NRG3: variants seen among roughly 807,000 people sequenced by gnomAD.
The protein encoded by NRG3 is pro-neuregulin-3, membrane-bound isoform.
NRG3 carries 31 observed loss-of-function variants against 66.9 expected under a neutral mutation model. The observed-to-expected ratio is 0.46, with a 90% CI of 0.35 to 0.63. The LOEUF (loss-of-function observed/expected upper bound fraction) is 0.63. NRG3 is among the 20% of genes least tolerant of loss of function. The pLI, the probability that NRG3 is intolerant of heterozygous loss-of-function variation, is 0.00. For missense variants in NRG3, 910 were observed against 878.9 expected, an observed-to-expected ratio of 1.04 and a Z score of -0.45; for synonymous variants, 393 against 359.4, an observed-to-expected ratio of 1.09 and a Z score of -1.06.
intron 3 of NRG3, among the ~76,000 whole-genome samples, chr10:82,815,342 G>C (rs2061661283): frequency 6.6e-6 from 1 of 152,096 alleles, no homozygotes; most frequent in Non-Finnish European, 1.5e-5. Flanking sequence ...CCATTTCATT[G>C]ATTTCCCCAC....
intron 2 of NRG3, among the ~76,000 whole-genome samples, chr10:82,544,098 A>G (rs1397052838): frequency 1.3e-5 from 2 of 152,176 alleles, no homozygotes; most frequent in Non-Finnish European, 2.9e-5. Flanking sequence ...AATGGGCACA[A>G]CTTCCTGGCC....
At chr10:81,899,671 C>T (rs1466281000) in intron 1 of NRG3, among the ~76,000 whole-genome samples, 1 of 152,176 alleles carries the variant, frequency 6.6e-6, no homozygotes, top group Non-Finnish European at 1.5e-5. Flanking sequence ...ACTGAAGCTG[C>T]CCTGGGACCA....
At chr10:82,470,079 C>G (rs898150620) in intron 2 of NRG3, among the ~76,000 whole-genome samples, 2 of 152,186 alleles carry the variant, frequency 1.3e-5, no homozygotes, top group Non-Finnish European at 2.9e-5. Context: ...GGAGCCCTCC[C>G]TCTGGCCTCT....
rs752652889 is a variant in NRG3, at chr10:82,985,244, T to C, written c.1730T>C (p.Ile577Thr). Reference sequence around the variant, plus strand: ...ACAAGGGCCAGTTCTGTGCCCATCATCCCTTCAGTGGGTTTAGAGGAAACC... The same window carrying C: ...ACAAGGGCCAGTTCTGTGCCCATCACCCCTTCAGTGGGTTTAGAGGAAACC... ...SSTRASSVPI[I>T]PSVGLEETCL... The change falls in exon 9 of 9, where the codon ATC (isoleucine) becomes ACC (threonine). Residue 577 changes from isoleucine (I) to threonine (T), a missense_variant. Transcript: ENST00000372141. 8 of 1,614,154 alleles carry C rather than the reference T, an allele frequency of 5.0e-6. No homozygotes were observed. Among genetic ancestry groups the C allele is most frequent in the Non-Finnish European group, 5.9e-6 (7 of 1,180,008 alleles).
chr10:81,974,608 T>G (rs544030766), intron 1 of NRG3, among the ~76,000 whole-genome samples: 14 of 152,170 alleles, frequency 9.2e-5, no homozygotes, highest in Admixed American at 9.2e-4. Flanking sequence ...ATGAAGCAAT[T>G]GATGATCTGC....
chr10:82,114,411 G>T (rs751392644), intron 1 of NRG3, among the ~76,000 whole-genome samples: 1 of 152,126 alleles, frequency 6.6e-6, no homozygotes, highest in Non-Finnish European at 1.5e-5. Flanking sequence ...GAACCTGAAC[G>T]TGCTAAAAAA....
chr10:82,886,589 T>C (rs1564602985), intron 4 of NRG3, among the ~76,000 whole-genome samples: 1 of 152,160 alleles, frequency 6.6e-6, no homozygotes, highest in Non-Finnish European at 1.5e-5. Flanking sequence ...GTGCTATCGA[T>C]TTGTTTAGAA....
rs138455409 is a variant in NRG3 at position 82,316,482 on chromosome 10, G to C, written c.824-42257G>C. Among the ~76,000 whole-genome samples the C allele has an allele frequency of 1.2e-3, 182 of 152,228 alleles. 1 individual carries two copies. Among genetic ancestry groups the C allele is most frequent in the African/African-American group, 4.2e-3 (176 of 41,530 alleles). On this transcript the variant is annotated intron_variant, in intron 1 of 8. Transcript: ENST00000372141. ...CTGGATTTCAAATTCAGTAGCTGCT[G>C]CTTTTATTTGAACAAATATTTTTGC...
intron 1 of NRG3, among the ~76,000 whole-genome samples, chr10:82,071,849 G>A (rs1164162689): frequency 7.9e-5 from 12 of 152,136 alleles, no homozygotes; most frequent in Non-Finnish European, 1.8e-4. Flanking sequence ...TAGTAAGGGT[G>A]GAGATAGTAG....
At chr10:82,647,467 G>A (rs545930538) in intron 2 of NRG3, among the ~76,000 whole-genome samples, 38 of 152,218 alleles carry the variant, frequency 2.5e-4, no homozygotes, top group Non-Finnish European at 4.3e-4. Flanking sequence ...ATAAACATAC[G>A]TGTGCATGTG....
rs374815315 is a variant in NRG3 at position 82,235,777 on chromosome 10, C to A, written c.824-122962C>A. Among the ~76,000 whole-genome samples, 3 of 152,158 alleles carry A rather than the reference C, an allele frequency of 2.0e-5. No homozygotes were observed. The South Asian group carries it at 6.2e-4, about 32-fold the overall frequency. ...AGATTGCTAGGCTCTGAGCTGCATA[C>A]TAGTTGGGATTCTGCCTCTTTTGCT... On this transcript the variant is annotated intron_variant, in intron 1 of 8. Coordinates refer to ENST00000372141, the MANE Select transcript of NRG3 (RefSeq NM_001010848.4).
intron 1 of NRG3, among the ~76,000 whole-genome samples, chr10:82,336,524 C>T (rs1223283156): frequency 7.0e-6 from 1 of 141,956 alleles, no homozygotes; most frequent in Non-Finnish European, 1.5e-5. Flanking sequence ...TCTTTCTTTT[C>T]TTTTCTTTTT....
chr10:82,820,004 A>G (rs543313097), intron 3 of NRG3, among the ~76,000 whole-genome samples: 1 of 152,242 alleles, frequency 6.6e-6, no homozygotes, highest in Non-Finnish European at 1.5e-5. Flanking sequence ...GGAGAAACTC[A>G]GTGAACACAG....
intron 2 of NRG3, among the ~76,000 whole-genome samples, chr10:82,425,062 G>A (rs1414179082): frequency 6.6e-6 from 1 of 152,054 alleles, no homozygotes; most frequent in Non-Finnish European, 1.5e-5. Flanking sequence ...TTTGTAACAA[G>A]TATTGAAATT....
chr10:82,892,399 C>T lies in NRG3; in HGVS notation c.1054+26962C>T, dbSNP rs376115882. Among the ~76,000 whole-genome samples, 234 of 152,244 alleles carry T rather than the reference C, an allele frequency of 1.5e-3. 1 individual carries two copies. The Middle Eastern group carries it at 0.024, about 15-fold the overall frequency. On this transcript the variant is annotated intron_variant, in intron 4 of 8. Coordinates refer to ENST00000372141, the MANE Select transcript of NRG3 (RefSeq NM_001010848.4). ...TAGAAATAGGCCAAGCATGGTGGCT[C>T]ACGCCTGTAATCCCAACACTTTGGG...
intron 2 of NRG3, among the ~76,000 whole-genome samples, chr10:82,481,468 T>C (rs1457542187): frequency 6.6e-6 from 1 of 152,212 alleles, no homozygotes; most frequent in East Asian, 1.9e-4. Context: ...GTGACTCCCA[T>C]ATTAACATGT....
At chr10:82,435,622 G>T (rs187736786) in intron 2 of NRG3, among the ~76,000 whole-genome samples, 6 of 152,098 alleles carry the variant, frequency 3.9e-5, no homozygotes, top group Non-Finnish European at 5.9e-5. Flanking sequence ...CTTTAACTGT[G>T]TCCCAGAGAT....
At chr10:82,975,945 TA>T (rs1171674842) in intron 7 of NRG3, among the ~76,000 whole-genome samples, 2 of 152,260 alleles carry the variant, frequency 1.3e-5, no homozygotes, top group African/African-American at 4.8e-5. Flanking sequence ...TCAAAGCCAT[TA>T]TTTCTAATGT....
chr10:82,451,676 A>C (rs1251836600), intron 2 of NRG3, among the ~76,000 whole-genome samples: 1 of 152,124 alleles, frequency 6.6e-6, no homozygotes, highest in Non-Finnish European at 1.5e-5. Flanking sequence ...AATGTATATC[A>C]GCTTTCCTCT....
Sources: allele counts gnomAD v4.1 joint callset (sites outside exome capture counted in the v4.1 genomes callset), GRCh38; gene constraint gnomAD v4.1.1; transcripts MANE v1.5; gene names NCBI Gene and HGNC (gene_info 2026-07-23, HGNC 2026-07-21).